PPFIBP2: variants seen among roughly 807,000 people sequenced by gnomAD.
PPFIBP2 encodes the protein PPFIB scaffold protein 2, also known as liprin-beta-2.
Under a neutral mutation model 118.3 loss-of-function variants are expected in PPFIBP2, and 118 were observed. That is an observed-to-expected ratio of 1.00 (90% CI 0.86 to 1.16). PPFIBP2 has a LOEUF of 1.16. PPFIBP2 is among the 50% of genes most tolerant of loss of function. The pLI is 0.00. For missense variants in PPFIBP2, 1,195 were observed against 1,073.1 expected, an observed-to-expected ratio of 1.11 and a Z score of -1.59; for synonymous variants, 414 against 397.4, an observed-to-expected ratio of 1.04 and a Z score of -0.50.
At chr11:7,602,247 C>T (rs1272690523) in intron 5 of PPFIBP2, among the ~76,000 whole-genome samples, 2 of 152,276 alleles carry the variant, frequency 1.3e-5, no homozygotes, top group East Asian at 3.9e-4. Context: ...CAGATCAAGG[C>T]ATTGCTCAGC....
At chr11:7,570,165 T>C (rs985049753) in intron 3 of PPFIBP2, among the ~76,000 whole-genome samples, 2 of 151,904 alleles carry the variant, frequency 1.3e-5, no homozygotes, top group African/African-American at 2.4e-5. Flanking sequence ...TGGTGGTTAG[T>C]GGCATAGATC....
chr11:7,528,839 G>C (rs1356051042), intron 1 of PPFIBP2, among the ~76,000 whole-genome samples: 1 of 152,180 alleles, frequency 6.6e-6, no homozygotes, highest in Non-Finnish European at 1.5e-5. Flanking sequence ...GTTCTTATGC[G>C]TATATCTAGT....
At chr11:7,626,049 G>A (rs1849962768) in intron 8 of PPFIBP2, among the ~76,000 whole-genome samples, 158 bp downstream of exon 8, 2 of 152,218 alleles carry the variant, frequency 1.3e-5, no homozygotes, top group South Asian at 4.1e-4. Flanking sequence ...CCAAGTGAAT[G>A]GATGCACCAG....
chr11:7,518,492 T>G (rs1849438080), intron 1 of PPFIBP2, among the ~76,000 whole-genome samples: 1 of 152,134 alleles, frequency 6.6e-6, no homozygotes, highest in African/African-American at 2.4e-5. Context: ...CTTGATAATC[T>G]CAGTGGGAGT....
chr11:7,653,435 G>A lies in PPFIBP2; in HGVS notation c.*217G>A, dbSNP rs899965912. 2 of 1,501,520 alleles carry A rather than the reference G, an allele frequency of 1.3e-6. No individual in the cohort carries two copies. The highest frequency in any genetic ancestry group is 2.0e-5 in the Admixed American group (1 of 49,020). 93.0% of individuals were successfully genotyped at this position (1,501,520 alleles called of 1,614,324 possible). A position where few individuals can be genotyped will look rare whatever the true frequency, so the allele number is the denominator to read the frequency against. ...GGCTTTGGGGACCATTGCCAAAGGT[G>A]GACTCAGGAGGAAAGACACTTAAAG... On this transcript the variant is annotated 3_prime_UTR_variant, in exon 24 of 24. Transcript: ENST00000299492.
the PPFIBP2 span, chr11:7,666,709 C>A: frequency 1.8e-6 from 1 of 556,168 alleles, no homozygotes; most frequent in East Asian, 3.1e-5. Flanking sequence ...GCTGCTGCTC[C>A]TGAAGCTCAA....
intron 7 of PPFIBP2, among the ~76,000 whole-genome samples, chr11:7,622,318 A>G (rs1849445862): frequency 6.6e-6 from 1 of 152,178 alleles, no homozygotes; most frequent in Admixed American, 6.5e-5. Flanking sequence ...TTCATGAGAA[A>G]TCTATCCCCA....
At chr11:7,656,155 A>G (rs1854666033), downstream of PPFIBP2, among the ~76,000 whole-genome samples, 2 of 152,188 alleles carry the variant, frequency 1.3e-5, no homozygotes. Context: ...GCTTATAGGC[A>G]GACTAGAGCT....
chr11:7,610,537 T>G, intron 6 of PPFIBP2, 115 bp downstream of exon 6: 1 of 1,388,240 alleles, frequency 7.2e-7, no homozygotes, highest in Non-Finnish European at 9.9e-7. Context: ...GAAATATCTA[T>G]ACACTAGAGA....
chr11:7,559,915 C>A (rs1369412015), intron 2 of PPFIBP2, among the ~76,000 whole-genome samples: 1 of 152,120 alleles, frequency 6.6e-6, no homozygotes, highest in Non-Finnish European at 1.5e-5. Flanking sequence ...AAGCTTGGCT[C>A]CATGTTAAAA....
intron 2 of PPFIBP2, among the ~76,000 whole-genome samples, chr11:7,557,193 A>G (rs948503376): frequency 1.3e-5 from 2 of 151,332 alleles, no homozygotes; most frequent in African/African-American, 4.8e-5. Flanking sequence ...CTCATCTGCT[A>G]TTTAACCTGT....
chr11:7,545,910 G>A (rs1238820001), intron 1 of PPFIBP2, among the ~76,000 whole-genome samples: 1 of 152,180 alleles, frequency 6.6e-6, no homozygotes, highest in African/African-American at 2.4e-5. Context: ...GGGGAGGAGA[G>A]TGGGGCTGAA....
chr11:7,557,948 G>A (rs1316368289), intron 2 of PPFIBP2, among the ~76,000 whole-genome samples: 1 of 152,180 alleles, frequency 6.6e-6, no homozygotes, highest in Non-Finnish European at 1.5e-5. Context: ...ATATGATGCT[G>A]TCATCAGCTA....
At chr11:7,627,627 A>G (rs573563374) in intron 8 of PPFIBP2, among the ~76,000 whole-genome samples, 1 of 152,338 alleles carries the variant, frequency 6.6e-6, no homozygotes, top group South Asian at 2.1e-4. Flanking sequence ...GTCCAAACTG[A>G]GAGAAGGCCT....
At chr11:7,596,301 A>G in intron 4 of PPFIBP2, among the ~76,000 whole-genome samples, 1 of 152,082 alleles carries the variant, frequency 6.6e-6, no homozygotes, top group Non-Finnish European at 1.5e-5. Context: ...AGGATGGCTG[A>G]GAGTGTTGGG....
At chr11:7,609,161 G>C (rs555714078) in intron 5 of PPFIBP2, among the ~76,000 whole-genome samples, 3 of 152,212 alleles carry the variant, frequency 2.0e-5, no homozygotes, top group Admixed American at 2.0e-4. Flanking sequence ...GTCCCGTGTG[G>C]TTTGATTCAT....
chr11:7,662,308 G>GCACTTCCTT, the PPFIBP2 span, among the ~76,000 whole-genome samples: 10 of 152,170 alleles, frequency 6.6e-5, no homozygotes, highest in African/African-American at 2.4e-4. Flanking sequence ...TCCATGTTTA[G>GCACTTCCTT]CACTTCCTTC....
intron 1 of PPFIBP2, among the ~76,000 whole-genome samples, chr11:7,522,299 T>A (rs529390425): frequency 5.3e-5 from 8 of 152,316 alleles, no homozygotes; most frequent in African/African-American, 1.7e-4. Flanking sequence ...TGTGTTAGTT[T>A]GCTGGGAGAA....
chr11:7,641,977 C>G, intron 16 of PPFIBP2: 1 of 387,768 alleles, frequency 2.6e-6, no homozygotes, highest in African/African-American at 2.0e-5. Context: ...CTTTGAAAAA[C>G]CTTTGAAAGC....
Sources: allele counts gnomAD v4.1 joint callset (sites outside exome capture counted in the v4.1 genomes callset), GRCh38; gene constraint gnomAD v4.1.1; transcripts MANE v1.5; gene names NCBI Gene and HGNC (gene_info 2026-07-23, HGNC 2026-07-21).